PPP6C: variants seen among roughly 807,000 people sequenced by gnomAD.
The protein encoded by PPP6C is protein phosphatase 6 catalytic subunit, also known as serine/threonine-protein phosphatase 6 catalytic subunit.
PPP6C carries 11 observed loss-of-function variants against 39.8 expected under a neutral mutation model. The observed-to-expected ratio is 0.28, with a 90% CI of 0.17 to 0.46. PPP6C has a LOEUF of 0.46. PPP6C is among the 20% of genes least tolerant of loss of function. The pLI is 1.00. For synonymous variants in PPP6C, 129 were observed against 130.3 expected (o/e 0.99, Z 0.07); for missense variants, 211 against 373.9 (o/e 0.56, Z 3.59).
At position 125,149,061 on chromosome 9, in the gene PPP6C, C is replaced by G. The variant is rs1835875636; in HGVS notation, c.*612G>C. ...TCTGAAAAAAGATCAATACAATTAT[C>G]TTAAAGTACAAAGTCATAAGCTGTA... On this transcript the variant is annotated 3_prime_UTR_variant, in exon 7 of 7. Transcript: ENST00000373547. The G allele has an allele frequency of 6.6e-6, 1 of 152,122 alleles. No individual in the cohort carries two copies. Among genetic ancestry groups the G allele is most frequent in the East Asian group, 1.9e-4 (1 of 5,202 alleles). The allele number at this position is 152,122 out of a possible 1,614,324, so 9.4% of individuals were successfully genotyped here.
At chr9:125,170,106 T>C (rs1041784218) in intron 2 of PPP6C, among the ~76,000 whole-genome samples, 2 of 152,210 alleles carry the variant, frequency 1.3e-5, no homozygotes, top group Non-Finnish European at 2.9e-5. Context: ...CTACACTGTA[T>C]GCATATAGCA....
chr9:125,186,583 C>CA (rs1250581115), intron 1 of PPP6C, among the ~76,000 whole-genome samples: 1 of 151,458 alleles, frequency 6.6e-6, no homozygotes, highest in Non-Finnish European at 1.5e-5. Context: ...CTGTCTCTAC[C>CA]AAAAAAATAA....
intron 3 of PPP6C, among the ~76,000 whole-genome samples, chr9:125,159,340 C>T (rs187860021): frequency 6.8e-4 from 103 of 151,090 alleles, no homozygotes; most frequent in Middle Eastern, 3.4e-3. Context: ...TGAGCCACTG[C>T]GCCCGGCCAA....
At chr9:125,182,442 G>C (rs1190023209) in intron 1 of PPP6C, among the ~76,000 whole-genome samples, 1 of 152,122 alleles carries the variant, frequency 6.6e-6, no homozygotes, top group African/African-American at 2.4e-5. Context: ...CAGAGCTCAA[G>C]ACTAGCTTGG....
intron 2 of PPP6C, among the ~76,000 whole-genome samples, chr9:125,164,552 C>T (rs1828971356): frequency 6.6e-6 from 1 of 151,924 alleles, no homozygotes; most frequent in Non-Finnish European, 1.5e-5. Context: ...ATTTCAGATA[C>T]TCTGCTCCCA....
intron 1 of PPP6C, among the ~76,000 whole-genome samples, chr9:125,177,518 G>A (rs1379832870): frequency 6.6e-6 from 1 of 151,896 alleles, no homozygotes; most frequent in Non-Finnish European, 1.5e-5. Context: ...GCAATATAGA[G>A]AGACTTCGTT....
chr9:125,159,364 T>A (rs567759590), intron 3 of PPP6C, among the ~76,000 whole-genome samples: 3 of 151,538 alleles, frequency 2.0e-5, no homozygotes, highest in Admixed American at 6.6e-5. Flanking sequence ...ATTTAATTTT[T>A]AAAAATTCAA....
intron 4 of PPP6C, among the ~76,000 whole-genome samples, chr9:125,154,726 T>TTA (rs1836027066): frequency 6.6e-6 from 1 of 152,194 alleles, no homozygotes; most frequent in Admixed American, 6.5e-5. Context: ...GGATCCTTAG[T>TTA]TATAGGAGCA....
At chr9:125,185,724 C>A (rs1239999186) in intron 1 of PPP6C, among the ~76,000 whole-genome samples, 1 of 151,464 alleles carries the variant, frequency 6.6e-6, no homozygotes, top group African/African-American at 2.4e-5. Flanking sequence ...CAGGCTCACA[C>A]CTATAATCCC....
At chr9:125,155,232 C>T (rs527472392) in intron 4 of PPP6C, among the ~76,000 whole-genome samples, 1 of 152,168 alleles carries the variant, frequency 6.6e-6, no homozygotes, top group African/African-American at 2.4e-5. Flanking sequence ...AGGGTACACA[C>T]TTCTTTTGTT....
intron 1 of PPP6C, among the ~76,000 whole-genome samples, chr9:125,177,769 T>C (rs1383128830): frequency 6.6e-6 from 1 of 152,218 alleles, no homozygotes; most frequent in Admixed American, 6.5e-5. Flanking sequence ...GACATGTACC[T>C]ACCATTATAG....
Position 125,160,853 on chromosome 9 carries a change from G to A in PPP6C, c.225C>T (p.Asn75=). ...FRTGGQVPDT[N]YIFMGDFVDR... Reference sequence around the variant, plus strand: ...GGTGTTTACATACCATAAATATGTAGTTTGTGTCAGGAACCTGACCTCCAG... The same window carrying A: ...GGTGTTTACATACCATAAATATGTAATTTGTGTCAGGAACCTGACCTCCAG... The change falls in exon 3 of 7, where the codon AAC becomes AAT. Residue 75 remains asparagine (N), a synonymous_variant. Coordinates refer to ENST00000373547, the MANE Select transcript of PPP6C (RefSeq NM_002721.5). The A allele has an allele frequency of 6.3e-7, 1 of 1,590,108 alleles. No individual in the cohort carries two copies. The highest frequency in any genetic ancestry group is 8.5e-7 in the Non-Finnish European group (1 of 1,169,752).
At chr9:125,164,517 T>G (rs983950449) in intron 2 of PPP6C, among the ~76,000 whole-genome samples, 4 of 150,734 alleles carry the variant, frequency 2.7e-5, no homozygotes, top group Non-Finnish European at 5.9e-5. Context: ...CGTGAGCCAC[T>G]GCACCCAGCT....
At chr9:125,150,792 C>T (rs1016938301) in intron 6 of PPP6C, 13 of 721,464 alleles carry the variant, frequency 1.8e-5, no homozygotes, top group African/African-American at 3.5e-5. Flanking sequence ...CAAAAGTGTA[C>T]GTGGAAAGGA....
intron 1 of PPP6C, among the ~76,000 whole-genome samples, chr9:125,176,966 T>TA (rs774301068): frequency 6.6e-6 from 1 of 152,204 alleles, no homozygotes; most frequent in Non-Finnish European, 1.5e-5. Context: ...TAATCATTAC[T>TA]GAGACAGTTA....
Position 125,189,713 on chromosome 9 carries a change from C to A in PPP6C, c.6G>T (p.Ala2=). The change falls in exon 1 of 7, where the codon GCG becomes GCT. Residue 2 remains alanine, a synonymous_variant. Transcript: ENST00000373547. M[A]PLDLDKYVEI... is the part of the protein sequence containing the mutation. ...CCACATACTTGTCCAGGTCTAGCGG[C>A]GCCATTTTAAGAATAACAAGCCGCG... The A allele has an allele frequency of 4.4e-6, 7 of 1,585,634 alleles. No homozygotes were observed. Among genetic ancestry groups the A allele is most frequent in the Non-Finnish European group, 6.0e-6 (7 of 1,170,270 alleles).
At chr9:125,165,071 G>C (rs1194320985) in intron 2 of PPP6C, among the ~76,000 whole-genome samples, 2 of 151,918 alleles carry the variant, frequency 1.3e-5, no homozygotes, top group Non-Finnish European at 2.9e-5. Context: ...CAGAGGCAAG[G>C]AAACATCCAG....
At chr9:125,156,422 T>A (rs1276367090) in intron 4 of PPP6C, among the ~76,000 whole-genome samples, 1 of 151,904 alleles carries the variant, frequency 6.6e-6, no homozygotes, top group African/African-American at 2.4e-5. Flanking sequence ...TACAGGCAAG[T>A]GCCACCATGC....
chr9:125,171,785 C>T (rs1378000799), intron 1 of PPP6C: 1 of 425,158 alleles, frequency 2.4e-6, no homozygotes, highest in East Asian at 7.1e-5. Flanking sequence ...AACTCCTGAC[C>T]TCAGGTGATC....
Sources: allele counts gnomAD v4.1 joint callset (sites outside exome capture counted in the v4.1 genomes callset), GRCh38; gene constraint gnomAD v4.1.1; transcripts MANE v1.5; gene names NCBI Gene and HGNC (gene_info 2026-07-23, HGNC 2026-07-21).